Variants in UBE4A observed in about 807,000 individuals in gnomAD.
UBE4A encodes the protein ubiquitination factor E4A.
UBE4A carries 48 observed loss-of-function variants against 117.9 expected under a neutral mutation model. That is an observed-to-expected ratio of 0.41 (90% CI 0.32 to 0.52). The LOEUF is 0.52. UBE4A is among the 20% of genes least tolerant of loss of function. The pLI, the probability that UBE4A is intolerant of heterozygous loss-of-function variation, is 0.33. For missense variants in UBE4A, 1,067 were observed against 1,296.3 expected, an observed-to-expected ratio of 0.82 and a Z score of 2.72; for synonymous variants, 407 against 450.0, an observed-to-expected ratio of 0.90 and a Z score of 1.21.
intron 19 of UBE4A, 127 bp downstream of exon 19, chr11:118,393,022 T>C (rs1948834088): frequency 4.1e-6 from 4 of 971,784 alleles, no homozygotes; most frequent in Non-Finnish European, 5.9e-6. Context: ...TACTGATATG[T>C]TGGAAGACAT....
rs1555130068 is a variant in UBE4A at position 118,397,704 on chromosome 11, A to G, written c.*1264A>G. Reference sequence around the variant, plus strand: ...CTGTCTTTCTAAGCCCAGAGATGTCATAAGTGACAAGAAAAGTGATAGGAT... The same window carrying G: ...CTGTCTTTCTAAGCCCAGAGATGTCGTAAGTGACAAGAAAAGTGATAGGAT... On this transcript the variant is annotated 3_prime_UTR_variant, in exon 20 of 20. Coordinates refer to ENST00000252108, the MANE Select transcript of UBE4A (RefSeq NM_001204077.2). The G allele has an allele frequency of 6.6e-6, 1 of 152,228 alleles. No homozygotes were observed. The highest frequency in any genetic ancestry group is 2.4e-5 in the African/African-American group (1 of 41,468). The allele number at this position is 152,228 out of a possible 1,614,324, so 9.4% of individuals were successfully genotyped here.
At chr11:118,362,861 ATTC>A (rs1279945304) in intron 1 of UBE4A, among the ~76,000 whole-genome samples, 2 of 152,190 alleles carry the variant, frequency 1.3e-5, no homozygotes, top group East Asian at 3.8e-4. Context: ...AAAATGCTGT[ATTC>A]TTTTTAGCCT....
chr11:118,369,498 A>G lies in UBE4A; in HGVS notation c.371A>G (p.Glu124Gly), dbSNP rs202210664. Residue 124 changes from glutamate to glycine, a missense_variant, in exon 4 of 20, where the codon GAA (glutamate) becomes GGA (glycine). Transcript: ENST00000252108. Reference protein sequence around the residue: ...VYLEEMAVELEDQDWLDMSNV... With the variant: ...VYLEEMAVELGDQDWLDMSNV... ...TTGGAAGAAATGGCAGTAGAGCTAGAAGATCAAGACTGGCTTGATATGAGC... is the reference window on the plus strand; with the variant it reads ...TTGGAAGAAATGGCAGTAGAGCTAGGAGATCAAGACTGGCTTGATATGAGC... The G allele has an allele frequency of 5.6e-5, 90 of 1,614,128 alleles. No individual in the cohort carries two copies. The highest frequency in any genetic ancestry group is 5.4e-5 in the Non-Finnish European group (64 of 1,180,038).
intron 2 of UBE4A, among the ~76,000 whole-genome samples, chr11:118,367,555 C>T (rs1159456465): frequency 2.2e-5 from 3 of 137,110 alleles, no homozygotes; most frequent in Non-Finnish European, 4.6e-5. Flanking sequence ...AAGTCTTGCT[C>T]TGTCACCGAG....
Position 118,373,223 on chromosome 11 carries a change from C to G in UBE4A, c.859C>G (p.Gln287Glu). Residue 287 changes from glutamine (Q) to glutamate (E), a missense_variant, in exon 7 of 20, where the codon CAG becomes GAG. Transcript: ENST00000252108. The part of the protein sequence containing the change: ...LGRIKDLELC[Q>E]ILLYAYLDIL... ...CCGAATAAAAGATCTAGAGCTCTGT[C>G]AGATCCTTTTGTATGCATATCTGGA... 1 of 1,613,734 alleles carries G rather than the reference C, an allele frequency of 6.2e-7. No individual in the cohort carries two copies. Among genetic ancestry groups the G allele is most frequent in the Middle Eastern group, 1.7e-4 (1 of 5,854 alleles).
At position 118,370,175 on chromosome 11, in the gene UBE4A, T is replaced by G. The variant is rs1423731981; in HGVS notation, c.408+640T>G. Among the ~76,000 whole-genome samples, 5 of 152,308 alleles carry G rather than the reference T, an allele frequency of 3.3e-5. No homozygotes were observed. The East Asian group carries it at 9.6e-4, about 29-fold the overall frequency. On this transcript the variant is annotated intron_variant, in intron 4 of 19. Coordinates refer to ENST00000252108, the MANE Select transcript of UBE4A (RefSeq NM_001204077.2). ...CTGGGTACCTAGAATAATCAGCCTC[T>G]GAATCTCTTGTGGGAATTGTCACTT...
At chr11:118,375,907 A>G (rs1486842858) in intron 9 of UBE4A, among the ~76,000 whole-genome samples, 6 of 152,200 alleles carry the variant, frequency 3.9e-5, no homozygotes, top group Non-Finnish European at 8.8e-5. Flanking sequence ...GGGAGTAAAT[A>G]ATCAATTCTG....
chr11:118,381,568 A>C (rs2134100751), intron 12 of UBE4A, 45 bp downstream of exon 12: 1 of 1,599,752 alleles, frequency 6.3e-7, no homozygotes, highest in Non-Finnish European at 8.5e-7. Flanking sequence ...AGGCTGTAAA[A>C]CATTCAGAAG....
At chr11:118,388,250 CAT>C (rs1197911179) in intron 16 of UBE4A, among the ~76,000 whole-genome samples, 3 of 152,066 alleles carry the variant, frequency 2.0e-5, no homozygotes, top group African/African-American at 7.2e-5. Flanking sequence ...ACCAACCAAA[CAT>C]AGCATTATGA....
At chr11:118,366,756 C>A (rs1455146509) in intron 2 of UBE4A, among the ~76,000 whole-genome samples, 2 of 152,236 alleles carry the variant, frequency 1.3e-5, no homozygotes, top group Admixed American at 6.5e-5. Context: ...AATAACACTA[C>A]TTTTATGTAG....
In UBE4A at chr11:118,368,710, G is replaced by A. The variant is rs751234725; in HGVS notation, c.201G>A (p.Glu67=). Residue 67 remains glutamate (E), a synonymous_variant, in exon 3 of 20, where the codon GAG becomes GAA. Transcript: ENST00000252108. ...SLDEFDYSVA[E]ISRSFRSQQE... The stretch of plus-strand genomic sequence containing the variant: ...ATGAATTCGATTACTCTGTGGCTGA[G>A]ATTAGCCGCTCATTCCGATCACAGC... 7.4e-6 allele frequency: 12 copies of A among 1,614,060 alleles called. No individual in the cohort carries two copies. Among genetic ancestry groups the A allele is most frequent in the Non-Finnish European group, 1.0e-5 (12 of 1,180,036 alleles).
At chr11:118,362,300 G>A (rs773989219) in intron 1 of UBE4A, among the ~76,000 whole-genome samples, 1 of 151,980 alleles carries the variant, frequency 6.6e-6, no homozygotes, top group Non-Finnish European at 1.5e-5. Context: ...TTTTTTGTGT[G>A]TTTTAAGTAG....
At chr11:118,370,091 CAA>C (rs35175908) in intron 4 of UBE4A, among the ~76,000 whole-genome samples, 1 of 138,730 alleles carries the variant, frequency 7.2e-6, no homozygotes. Flanking sequence ...GACTCCGTCT[CAA>C]AAAAAAAAAA....
rs1555126514 is a variant in UBE4A, at chr11:118,382,650, C to G, written c.2071C>G (p.Leu691Val). ...GGTGTTGGAAGCAGTGATGCCCCAC[C>G]TGGATCAGACCCCAAATCCCTTGGT... ...AEVLEAVMPHLDQTPNPLVSS... is the reference protein window; with the variant it reads ...AEVLEAVMPHVDQTPNPLVSS... The change falls in exon 13 of 20, where the codon CTG becomes GTG. Residue 691 changes from leucine (L) to valine (V), a missense_variant. Physicochemically the swap from Leu to Val is conservative, Grantham distance 32. This residue lies in a region of UBE4A where 1,001 missense variants were observed against 1,184.0 expected (regional missense o/e 0.85). Coordinates refer to ENST00000252108, the MANE Select transcript of UBE4A (RefSeq NM_001204077.2). 6.2e-7 allele frequency: 1 copy of G among 1,602,050 alleles called. No homozygotes were observed. Among genetic ancestry groups the G allele is most frequent in the East Asian group, 2.3e-5 (1 of 44,356 alleles).
chr11:118,391,664 G>C (rs950315861), intron 18 of UBE4A, among the ~76,000 whole-genome samples: 1 of 151,712 alleles, frequency 6.6e-6, no homozygotes, highest in African/African-American at 2.4e-5. Flanking sequence ...CGTGGTGGCA[G>C]GCACCTGTAG....
At chr11:118,394,372 G>A (rs539670338) in intron 19 of UBE4A, among the ~76,000 whole-genome samples, 2 of 152,100 alleles carry the variant, frequency 1.3e-5, no homozygotes, top group Admixed American at 1.3e-4. Context: ...ATGTTACCCA[G>A]GCCAGTCTCA....
At chr11:118,363,280 G>A (rs1948534527) in intron 1 of UBE4A, among the ~76,000 whole-genome samples, 1 of 152,162 alleles carries the variant, frequency 6.6e-6, no homozygotes. Flanking sequence ...AGTGACTCAT[G>A]CCTATAATTC....
In UBE4A at chr11:118,390,805, G is replaced by A; in HGVS notation, c.2916+1G>A. 1 of 1,609,916 alleles carries A rather than the reference G, an allele frequency of 6.2e-7. No individual in the cohort carries two copies. Among genetic ancestry groups the A allele is most frequent in the Non-Finnish European group, 8.5e-7 (1 of 1,177,540 alleles). On this transcript the variant is annotated splice_donor_variant, in intron 18 of 19. Transcript: ENST00000252108. LOFTEE classifies it high-confidence loss of function. Reference sequence around the variant, plus strand: ...CAGCAACTTGGCAGAGAGAATCAAGGTGAGGAAGAGGAGGAATTGTTTGCT... The same window carrying A: ...CAGCAACTTGGCAGAGAGAATCAAGATGAGGAAGAGGAGGAATTGTTTGCT...
chr11:118,370,447 A>G (rs1948600081), intron 4 of UBE4A, among the ~76,000 whole-genome samples: 1 of 152,084 alleles, frequency 6.6e-6, no homozygotes. Context: ...TAACAAGACC[A>G]TGTTTCTACA....
Sources: allele counts gnomAD v4.1 joint callset (sites outside exome capture counted in the v4.1 genomes callset), GRCh38; gene constraint gnomAD v4.1.1; regional missense constraint gnomAD v4.1.1; transcripts MANE v1.5; gene names NCBI Gene and HGNC (gene_info 2026-07-23, HGNC 2026-07-21).